Variants in TLN2 observed in about 807,000 individuals in gnomAD.
TLN2 encodes talin-2.
TLN2 carries 118 observed loss-of-function variants against 294.7 expected under a neutral mutation model. The observed-to-expected ratio is 0.40, with a 90% CI of 0.34 to 0.47. The LOEUF (loss-of-function observed/expected upper bound fraction) is 0.47. TLN2 is among the 20% of genes least tolerant of loss of function. The probability of loss-of-function intolerance (pLI) is 0.84; values close to 1 mark genes in which losing one functional copy is unlikely to be tolerated. For synonymous variants in TLN2, 1,431 were observed against 1,304.5 expected (o/e 1.10, Z -2.09); for missense variants, 3,083 against 3,282.2 (o/e 0.94, Z 1.48).
chr15:62,703,081 A>G (rs2058815648), intron 19 of TLN2, among the ~76,000 whole-genome samples: 1 of 151,740 alleles, frequency 6.6e-6, no homozygotes, highest in East Asian at 1.9e-4. Flanking sequence ...TCATCATTGT[A>G]AAGCACGTAT....
chr15:62,503,159 A>G (rs1315572154), intron 1 of TLN2, among the ~76,000 whole-genome samples: 2 of 152,202 alleles, frequency 1.3e-5, no homozygotes, highest in African/African-American at 4.8e-5. Flanking sequence ...ATGTACATCT[A>G]TTATTCTTTA....
intron 22 of TLN2, among the ~76,000 whole-genome samples, chr15:62,715,985 A>C (rs1463171626): frequency 2.6e-5 from 4 of 152,202 alleles, no homozygotes; most frequent in Non-Finnish European, 5.9e-5. Context: ...GCCAATGAAA[A>C]GAAGATTCTC....
intron 1 of TLN2, among the ~76,000 whole-genome samples, chr15:62,529,207 C>T (rs1002609023): frequency 5.9e-5 from 9 of 151,928 alleles, no homozygotes; most frequent in Non-Finnish European, 1.2e-4. Flanking sequence ...GACCCTCTTA[C>T]GTCAGCATCC....
chr15:62,818,277 G>A (rs1214737261), intron 52 of TLN2, among the ~76,000 whole-genome samples: 1 of 152,214 alleles, frequency 6.6e-6, no homozygotes, highest in Non-Finnish European at 1.5e-5. Context: ...ATTGTGCAGA[G>A]ATAGACAGCA....
At chr15:62,508,723 A>G (rs572607619) in intron 1 of TLN2, among the ~76,000 whole-genome samples, 1 of 152,364 alleles carries the variant, frequency 6.6e-6, no homozygotes, top group African/African-American at 2.4e-5. Context: ...ATCCTGGAAA[A>G]TATGGGCCAA....
intron 50 of TLN2, among the ~76,000 whole-genome samples, chr15:62,803,558 T>A (rs1252301253): frequency 6.6e-6 from 1 of 152,232 alleles, no homozygotes; most frequent in Non-Finnish European, 1.5e-5. Flanking sequence ...TTACTAATTA[T>A]TTCTTCTATG....
At position 62,470,321 on chromosome 15, in the gene TLN2, AG is replaced by A. The variant is rs1294762614; in HGVS notation, c.-238+79638del. On this transcript the variant is annotated intron_variant, in intron 1 of 58. Transcript: ENST00000636159. ...TCAACCGACCCGGGCTCCTCAGCCA[AG>A]GAGGGGCTGAAACTCTTCAGTGAGG... Among the ~76,000 whole-genome samples the A allele has an allele frequency of 4.6e-5, 7 of 152,356 alleles. No homozygotes were observed. The South Asian group carries it at 1.5e-3, about 32-fold the overall frequency.
intron 28 of TLN2, among the ~76,000 whole-genome samples, chr15:62,730,356 G>A (rs1404207493): frequency 1.3e-5 from 2 of 151,928 alleles, no homozygotes; most frequent in Non-Finnish European, 2.9e-5. Context: ...TTTAATTCTA[G>A]GTATATTTTC....
chr15:62,417,264 G>A (rs1031231919), intron 1 of TLN2, among the ~76,000 whole-genome samples: 19 of 152,080 alleles, frequency 1.2e-4, no homozygotes, highest in Admixed American at 6.5e-4. Context: ...CCTCTCCAGC[G>A]TGCTTCCTTC....
chr15:62,605,587 A>G (rs1415218768), intron 2 of TLN2, among the ~76,000 whole-genome samples: 2 of 152,106 alleles, frequency 1.3e-5, no homozygotes, highest in Admixed American at 6.5e-5. Context: ...GGCTGCTGCT[A>G]TGAGAGGCTG....
intron 25 of TLN2, among the ~76,000 whole-genome samples, chr15:62,720,659 G>A (rs2060083401): frequency 6.6e-6 from 1 of 151,752 alleles, no homozygotes; most frequent in Non-Finnish European, 1.5e-5. Context: ...GTGTGTGTGT[G>A]TGTGTGTGTG....
At chr15:62,457,805 C>T (rs1475509821) in intron 1 of TLN2, among the ~76,000 whole-genome samples, 1 of 152,176 alleles carries the variant, frequency 6.6e-6, no homozygotes, top group Non-Finnish European at 1.5e-5. Flanking sequence ...AGCATGAAGT[C>T]CCATTTTGCC....
chr15:62,726,406 A>G (rs1191571335), intron 27 of TLN2, among the ~76,000 whole-genome samples: 1 of 152,186 alleles, frequency 6.6e-6, no homozygotes, highest in Non-Finnish European at 1.5e-5. Context: ...AACCTCATCT[A>G]GTAATCAAAT....
At chr15:62,676,718 C>T (rs2056242870) in intron 11 of TLN2, among the ~76,000 whole-genome samples, 1 of 152,106 alleles carries the variant, frequency 6.6e-6, no homozygotes, top group Non-Finnish European at 1.5e-5. Flanking sequence ...GGGTTCAAGC[C>T]ATTCTCCTGC....
chr15:62,792,388 T>C (rs553722298), intron 45 of TLN2, among the ~76,000 whole-genome samples: 1 of 152,314 alleles, frequency 6.6e-6, no homozygotes, highest in African/African-American at 2.4e-5. Flanking sequence ...AGGAAAGATA[T>C]GTATCAAGGA....
intron 20 of TLN2, among the ~76,000 whole-genome samples, chr15:62,707,686 A>ACC (rs2059153471): frequency 6.6e-6 from 1 of 152,196 alleles, no homozygotes; most frequent in African/African-American, 2.4e-5. Context: ...TCAGTGTGTC[A>ACC]TACATCACCT....
rs75735460 is a variant in TLN2 at position 62,557,344 on chromosome 15, G to A, written c.-237-32343G>A. Among the ~76,000 whole-genome samples the A allele has an allele frequency of 9.9e-3, 1,506 of 152,242 alleles. 20 individuals carry two copies. Among genetic ancestry groups the A allele is most frequent in the African/African-American group, 0.035 (1,451 of 41,540 alleles). On this transcript the variant is annotated intron_variant, in intron 1 of 58. Coordinates refer to ENST00000636159, the MANE Select transcript of TLN2 (RefSeq NM_015059.3). ...TTGTCAGATCCAGAGGGTCTTTGGA[G>A]GCCGCATGGAAACAGTGAATTTAGA...
At chr15:62,644,358 C>A (rs751911871) in intron 3 of TLN2, among the ~76,000 whole-genome samples, 1 of 152,080 alleles carries the variant, frequency 6.6e-6, no homozygotes, top group African/African-American at 2.4e-5. Context: ...AATTTTTTCT[C>A]GTCTGCCAAT....
chr15:62,700,047 A>G (rs931199770), intron 16 of TLN2, among the ~76,000 whole-genome samples: 8 of 152,178 alleles, frequency 5.3e-5, no homozygotes, highest in African/African-American at 1.4e-4. Context: ...TCATTTGCAC[A>G]GTTGTGTGCG....
Sources: gnomAD v4.1 joint callset for allele counts (sites outside exome capture counted in the v4.1 genomes callset) on GRCh38, gnomAD v4.1.1 for gene constraint, MANE v1.5 for transcripts, NCBI Gene and HGNC (gene_info 2026-07-23, HGNC 2026-07-21) for gene names.